Variants in BLOC1S5 observed in about 807,000 individuals in gnomAD.
BLOC1S5 encodes biogenesis of lysosome-related organelles complex 1 subunit 5.
A neutral mutation model predicts 24.3 loss-of-function variants in BLOC1S5; 27 were observed. The observed-to-expected ratio is 1.11, with a 90% CI of 0.82 to 1.53. BLOC1S5 has a LOEUF of 1.53. BLOC1S5 is among the 40% of genes most tolerant of loss of function. BLOC1S5 has a pLI of 0.00. For synonymous variants in BLOC1S5, 84 were observed against 74.5 expected (o/e 1.13, Z -0.66); for missense variants, 239 against 229.4 (o/e 1.04, Z -0.27).
chr6:8,062,563 C>T lies in BLOC1S5; in HGVS notation c.166G>A (p.Glu56Lys), dbSNP rs374882214. 2 of 1,598,872 alleles carry T rather than the reference C, an allele frequency of 1.3e-6. No individual in the cohort carries two copies. The highest frequency in any genetic ancestry group is 1.7e-6 in the Non-Finnish European group (2 of 1,171,084). ...AATTCTTTTACAAAATAACGAGTTT[C>T]ACCTTGAATAACTGGTCTGTGATCC... ...LLDHRPVIQG[E>K]TRYFVKEFEE... is the part of the protein sequence containing the mutation. The change falls in exon 2 of 5, where the codon GAA (glutamate) becomes AAA (lysine). Residue 56 changes from glutamate to lysine, a missense_variant. Physicochemically the swap from Glu to Lys is moderately conservative, Grantham distance 56. Coordinates refer to ENST00000397457, the MANE Select transcript of BLOC1S5 (RefSeq NM_201280.3).
chr6:8,037,491 G>C lies in BLOC1S5; in HGVS notation c.325+3648C>G, dbSNP rs548343172. ...AAATTGAAGAGGGCACACAAAAATG[G>C]AAAGATATCCATGCTCTGTAACTGG... On this transcript the variant is annotated intron_variant, in intron 3 of 4. Transcript: ENST00000397457. 2.0e-5 allele frequency among the ~76,000 whole-genome samples: 3 copies of C among 152,204 alleles called. No homozygotes were observed. The South Asian group carries it at 6.2e-4, about 32-fold the overall frequency.
rs1757366592 is a variant in BLOC1S5, at chr6:8,064,180, G to C, written c.112+85C>G. The C allele has an allele frequency of 5.0e-6, 6 of 1,191,032 alleles. No individual in the cohort carries two copies. The South Asian group carries it at 9.9e-5, about 20-fold the overall frequency. The allele number at this position is 1,191,032 out of a possible 1,614,324, so 73.8% of individuals were successfully genotyped here. A position where few individuals can be genotyped will look rare whatever the true frequency, so the allele number is the denominator to read the frequency against. ...CGCACGCGCGCCAGCCCGGGACCCG[G>C]GGGTCGGCCCGGGTCAGAGGGCGCC... On this transcript the variant is annotated intron_variant, in intron 1 of 4. Coordinates refer to ENST00000397457, the MANE Select transcript of BLOC1S5 (RefSeq NM_201280.3).
At chr6:8,026,337 A>T in intron 4 of BLOC1S5, 30 bp downstream of exon 4, 1 of 1,520,114 alleles carries the variant, frequency 6.6e-7, no homozygotes, top group Non-Finnish European at 9.1e-7. Context: ...TGCAAGAATT[A>T]TATGCCTCAT....
At chr6:8,053,438 A>T (rs1430553581) in intron 2 of BLOC1S5, among the ~76,000 whole-genome samples, 1 of 152,226 alleles carries the variant, frequency 6.6e-6, no homozygotes, top group African/African-American at 2.4e-5. Flanking sequence ...ATTAACATCG[A>T]AATAAGATTC....
At chr6:8,047,270 C>T (rs1561866971) in intron 2 of BLOC1S5, among the ~76,000 whole-genome samples, 1 of 149,712 alleles carries the variant, frequency 6.7e-6, no homozygotes, top group Non-Finnish European at 1.5e-5. Flanking sequence ...TGCAGTGGCA[C>T]AATCTTGGCT....
At chr6:8,062,273 C>G (rs1024890306) in intron 2 of BLOC1S5, among the ~76,000 whole-genome samples, 6 of 152,050 alleles carry the variant, frequency 3.9e-5, no homozygotes, top group African/African-American at 1.4e-4. Flanking sequence ...CCCACTATAT[C>G]TCATTTTATA....
intron 3 of BLOC1S5, among the ~76,000 whole-genome samples, chr6:8,039,980 G>A (rs1016978294): frequency 5.3e-5 from 8 of 152,222 alleles, no homozygotes; most frequent in African/African-American, 1.9e-4. Context: ...ACCACATGGT[G>A]AAAAGTCGTG....
At chr6:8,039,967 A>G (rs1429083047) in intron 3 of BLOC1S5, among the ~76,000 whole-genome samples, 1 of 152,240 alleles carries the variant, frequency 6.6e-6, no homozygotes, top group Non-Finnish European at 1.5e-5. Context: ...CAAGCCTCCG[A>G]GCACCACATG....
At chr6:8,039,827 CA>C (rs1171840454) in intron 3 of BLOC1S5, among the ~76,000 whole-genome samples, 1 of 152,078 alleles carries the variant, frequency 6.6e-6, no homozygotes, top group African/African-American at 2.4e-5. Flanking sequence ...GTTGGGAAGA[CA>C]GGGGTATGGG....
chr6:8,063,110 CTTTAAAA>C (rs1404763559), intron 1 of BLOC1S5, among the ~76,000 whole-genome samples: 1 of 151,818 alleles, frequency 6.6e-6, no homozygotes, highest in African/African-American at 2.4e-5. Flanking sequence ...TTACATAAAA[CTTTAAAA>C]TATTCAAAAT....
At chr6:8,063,890 A>G (rs930959724) in intron 1 of BLOC1S5, among the ~76,000 whole-genome samples, 3 of 152,188 alleles carry the variant, frequency 2.0e-5, no homozygotes, top group Admixed American at 2.0e-4. Context: ...AAAGCCAGTG[A>G]CCCGAAGTCA....
At chr6:8,053,780 T>C (rs1764214574) in intron 2 of BLOC1S5, among the ~76,000 whole-genome samples, 1 of 152,190 alleles carries the variant, frequency 6.6e-6, no homozygotes, top group African/African-American at 2.4e-5. Context: ...ATGAGTCAAA[T>C]TCACACACAC....
intron 2 of BLOC1S5, among the ~76,000 whole-genome samples, chr6:8,057,921 CG>C (rs1561871828): frequency 6.6e-6 from 1 of 152,118 alleles, no homozygotes; most frequent in Non-Finnish European, 1.5e-5. Flanking sequence ...AGTTGTTTCT[CG>C]AGTTGTTTCC....
chr6:8,057,959 CTT>C (rs1334969311), intron 2 of BLOC1S5, among the ~76,000 whole-genome samples: 2 of 152,114 alleles, frequency 1.3e-5, no homozygotes, highest in Non-Finnish European at 1.5e-5. Context: ...GTCTTTCGTG[CTT>C]ATAACAATTA....
chr6:8,061,305 AATG>A (rs1317025869), intron 2 of BLOC1S5, among the ~76,000 whole-genome samples: 2 of 152,208 alleles, frequency 1.3e-5, no homozygotes, highest in Non-Finnish European at 2.9e-5. Flanking sequence ...ATTTTTTTTA[AATG>A]ATGACGATGT....
At position 8,013,880 on chromosome 6, in the gene BLOC1S5, C is replaced by T. The variant is rs1762655553; in HGVS notation, c.*1769G>A. Reference sequence around the variant, plus strand: ...GGTGTCAGCAAGTGCGCTTTTTAGTCCAGGTACCAGCAAATGATTGATGAG... The same window carrying T: ...GGTGTCAGCAAGTGCGCTTTTTAGTTCAGGTACCAGCAAATGATTGATGAG... On this transcript the variant is annotated 3_prime_UTR_variant, in exon 5 of 5. Transcript: ENST00000397457. 6.6e-6 allele frequency: 1 copy of T among 152,108 alleles called. No homozygotes were observed. Among genetic ancestry groups the T allele is most frequent in the African/African-American group, 2.4e-5 (1 of 41,410 alleles). 9.4% of individuals were successfully genotyped at this position (152,108 alleles called of 1,614,324 possible).
At chr6:8,025,821 CTT>C (rs1763082724) in intron 4 of BLOC1S5, among the ~76,000 whole-genome samples, 2 of 152,160 alleles carry the variant, frequency 1.3e-5, no homozygotes, top group Admixed American at 1.3e-4. Context: ...TACAAAAACA[CTT>C]TATGAAAATT....
At chr6:8,047,142 C>CCTCTCTCTCT (rs761994219) in intron 2 of BLOC1S5, among the ~76,000 whole-genome samples, 6,125 of 101,468 alleles carry the variant, frequency 0.06, 237 homozygotes, top group Admixed American at 0.074. Flanking sequence ...AATAAGACCA[C>CCTCTCTCTCT]CTCTCTCTCT....
intron 2 of BLOC1S5, among the ~76,000 whole-genome samples, chr6:8,055,878 C>G (rs1031744732): frequency 6.6e-6 from 1 of 152,148 alleles, no homozygotes; most frequent in Non-Finnish European, 1.5e-5. Context: ...GAATGTATCC[C>G]CCAAAACTGT....
Sources: allele counts gnomAD v4.1 joint callset (sites outside exome capture counted in the v4.1 genomes callset), GRCh38; gene constraint gnomAD v4.1.1; transcripts MANE v1.5; gene names NCBI Gene and HGNC (gene_info 2026-07-23, HGNC 2026-07-21).